The following EPHA6 variants were observed in gnomAD, a reference collection of about 807,000 sequenced individuals.
EPHA6 encodes the protein EPH receptor A6, also known as ephrin type-A receptor 6.
EPHA6 carries 50 observed loss-of-function variants against 112.0 expected under a neutral mutation model. The ratio of observed to expected loss-of-function variants is 0.45; its 90% CI spans 0.36 to 0.56. The LOEUF is 0.56. Among genes scored for constraint, EPHA6 ranks in the 20% least tolerant of loss-of-function variants. The pLI is 0.00. For synonymous variants in EPHA6, 529 were observed against 490.7 expected, an observed-to-expected ratio of 1.08 and a Z score of -1.03; for missense variants, 1,280 against 1,417.4, an observed-to-expected ratio of 0.90 and a Z score of 1.56.
At chr3:97,107,658 C>G (rs1357282159) in intron 3 of EPHA6, among the ~76,000 whole-genome samples, 1 of 152,048 alleles carries the variant, frequency 6.6e-6, no homozygotes, top group African/African-American at 2.4e-5. Flanking sequence ...AATGTTGTTT[C>G]TATTTGTAAT....
chr3:97,164,726 T>C (rs2076499583), intron 3 of EPHA6, among the ~76,000 whole-genome samples: 1 of 152,116 alleles, frequency 6.6e-6, no homozygotes, highest in Non-Finnish European at 1.5e-5. Context: ...CAGTCTTTTT[T>C]TCATGATTAA....
intron 2 of EPHA6, among the ~76,000 whole-genome samples, chr3:96,941,649 G>A (rs1271506157): frequency 7.2e-5 from 11 of 152,224 alleles, no homozygotes; most frequent in Non-Finnish European, 8.8e-5. Context: ...GAGGAACTGC[G>A]TTCCTTTGGA....
At chr3:96,963,153 C>T (rs2042004827) in intron 2 of EPHA6, among the ~76,000 whole-genome samples, 1 of 127,674 alleles carries the variant, frequency 7.8e-6, no homozygotes, top group African/African-American at 3.3e-5. Context: ...CAGAGTGAAA[C>T]TGCATCCAAA....
intron 1 of EPHA6, among the ~76,000 whole-genome samples, chr3:96,863,128 A>G (rs2036103786): frequency 6.6e-6 from 1 of 151,970 alleles, no homozygotes; most frequent in Non-Finnish European, 1.5e-5. Flanking sequence ...ATGAATAAAT[A>G]ATTGTATTTT....
chr3:97,342,123 G>A (rs550578146), intron 5 of EPHA6, among the ~76,000 whole-genome samples: 1 of 152,154 alleles, frequency 6.6e-6, no homozygotes, highest in African/African-American at 2.4e-5. Flanking sequence ...ATTAAGCAAA[G>A]AGCAGTCTTT....
At chr3:97,694,195 C>G (rs1309738613) in intron 14 of EPHA6, among the ~76,000 whole-genome samples, 1 of 151,852 alleles carries the variant, frequency 6.6e-6, no homozygotes, top group African/African-American at 2.4e-5. Context: ...TTCTGGGCCA[C>G]AGTTAGAATA....
chr3:97,072,710 T>A (rs1046216356), intron 3 of EPHA6, among the ~76,000 whole-genome samples: 4 of 152,122 alleles, frequency 2.6e-5, no homozygotes, highest in African/African-American at 9.7e-5. Flanking sequence ...GAAAAAGATC[T>A]TCATTGGTGA....
intron 10 of EPHA6, among the ~76,000 whole-genome samples, chr3:97,485,172 G>A (rs2107502147): frequency 6.6e-6 from 1 of 152,304 alleles, no homozygotes; most frequent in African/African-American, 2.4e-5. Context: ...CCAGCCAGGT[G>A]TCATGTCTTT....
In EPHA6 at chr3:97,274,929, G is replaced by A. The variant is rs183055289; in HGVS notation, c.1606+30642G>A. Among the ~76,000 whole-genome samples, 7 of 152,254 alleles carry A rather than the reference G, an allele frequency of 4.6e-5. No individual in the cohort carries two copies. The East Asian group carries it at 1.4e-3, about 29-fold the overall frequency. ...AAGAGTGAGTATAGCTGAAGGAGCC[G>A]GGGAGCAGAAACTATATGCGTCAGG... is the stretch of plus-strand genomic sequence containing the variant. On this transcript the variant is annotated intron_variant, in intron 5 of 17. Coordinates refer to ENST00000389672, the MANE Select transcript of EPHA6 (RefSeq NM_001080448.3).
intron 4 of EPHA6, among the ~76,000 whole-genome samples, chr3:97,234,735 T>C (rs1179260164): frequency 1.4e-4 from 21 of 152,142 alleles, no homozygotes; most frequent in Admixed American, 1.4e-3. Context: ...CCATGTTCTT[T>C]TTATTGCCCT....
At chr3:97,407,827 A>T (rs1386036433) in intron 6 of EPHA6, among the ~76,000 whole-genome samples, 1 of 152,084 alleles carries the variant, frequency 6.6e-6, no homozygotes, top group Non-Finnish European at 1.5e-5. Context: ...ATCTGCTCCC[A>T]ACTTCTCAGT....
chr3:97,180,266 C>T (rs1011294948), intron 3 of EPHA6, among the ~76,000 whole-genome samples: 9 of 152,044 alleles, frequency 5.9e-5, no homozygotes, highest in African/African-American at 1.9e-4. Flanking sequence ...TGACCTGGTA[C>T]TCGTCCTTCA....
intron 5 of EPHA6, among the ~76,000 whole-genome samples, chr3:97,401,823 G>C (rs2109110161): frequency 6.6e-6 from 1 of 151,666 alleles, no homozygotes; most frequent in Middle Eastern, 3.4e-3. Flanking sequence ...CTCACTCTTA[G>C]TATTGCCTTT....
rs142744785 is a variant in EPHA6 at position 97,012,465 on chromosome 3, A to G, written c.1114+24472A>G. 1.9e-4 allele frequency among the ~76,000 whole-genome samples: 28 copies of G among 150,826 alleles called. No individual in the cohort carries two copies. The East Asian group carries it at 4.7e-3, about 25-fold the overall frequency. On this transcript the variant is annotated intron_variant, in intron 3 of 17. Transcript: ENST00000389672. Reference sequence around the variant, plus strand: ...CAGCCTCCATGGTAGCTGGAACTACAAGTGTGTGCCACCTGCCCAACTAAT... The same window carrying G: ...CAGCCTCCATGGTAGCTGGAACTACGAGTGTGTGCCACCTGCCCAACTAAT...
At chr3:97,568,067 T>C (rs1228429998) in intron 11 of EPHA6, among the ~76,000 whole-genome samples, 1 of 152,192 alleles carries the variant, frequency 6.6e-6, no homozygotes, top group Non-Finnish European at 1.5e-5. Context: ...GGTTTGGCTC[T>C]GGATTGGTTA....
intron 10 of EPHA6, among the ~76,000 whole-genome samples, chr3:97,513,112 A>G (rs1340604707): frequency 6.6e-6 from 1 of 152,170 alleles, no homozygotes; most frequent in Non-Finnish European, 1.5e-5. Context: ...AACATTATTT[A>G]CTCATGGTGT....
At chr3:96,941,240 C>T (rs909861444) in intron 2 of EPHA6, among the ~76,000 whole-genome samples, 1 of 152,226 alleles carries the variant, frequency 6.6e-6, no homozygotes, top group Non-Finnish European at 1.5e-5. Context: ...ATACACCAAT[C>T]AGTCGTAGAT....
At position 97,280,337 on chromosome 3, in the gene EPHA6, A is replaced by G. The variant is rs78782762; in HGVS notation, c.1606+36050A>G. On this transcript the variant is annotated intron_variant, in intron 5 of 17. Coordinates refer to ENST00000389672, the MANE Select transcript of EPHA6 (RefSeq NM_001080448.3). ...AAATGCAATTATATAAATTAATTTC[A>G]TACAACAGTTCCTGGCATGTGGTAA... is the stretch of plus-strand genomic sequence containing the variant. Among the ~76,000 whole-genome samples the G allele has an allele frequency of 2.6e-3, 395 of 152,364 alleles. 10 individuals are homozygous for G. The East Asian group carries it at 0.067, about 26-fold the overall frequency.
intron 3 of EPHA6, among the ~76,000 whole-genome samples, chr3:97,066,207 C>CA (rs779584379): frequency 1.1e-3 from 174 of 152,144 alleles, no homozygotes; most frequent in Non-Finnish European, 1.8e-3. Context: ...AGTGTTTCTT[C>CA]TACCATAGGC....
Sources: gnomAD v4.1 joint callset for allele counts (sites outside exome capture counted in the v4.1 genomes callset) on GRCh38, gnomAD v4.1.1 for gene constraint, MANE v1.5 for transcripts, NCBI Gene and HGNC (gene_info 2026-07-23, HGNC 2026-07-21) for gene names.